The following NKAIN2 variants were observed in gnomAD, a reference collection of about 807,000 sequenced individuals.
NKAIN2 encodes the protein sodium/potassium transporting ATPase interacting 2.
A neutral mutation model predicts 32.6 loss-of-function variants in NKAIN2; 14 were observed. The ratio of observed to expected loss-of-function variants is 0.43; its 90% CI spans 0.28 to 0.67. The LOEUF (loss-of-function observed/expected upper bound fraction) is 0.67, where lower values mean the gene tolerates loss of function less well. Ranked by LOEUF, NKAIN2 falls within the 30% of genes least tolerant of loss-of-function variation. The pLI, the probability that NKAIN2 is intolerant of heterozygous loss-of-function variation, is 0.17. For missense variants in NKAIN2, 198 were observed against 258.3 expected, an observed-to-expected ratio of 0.77 and a Z score of 1.60; for synonymous variants, 80 against 87.2, an observed-to-expected ratio of 0.92 and a Z score of 0.46.
intron 3 of NKAIN2, among the ~76,000 whole-genome samples, chr6:124,436,459 CATA>C (rs1201800100): frequency 2.6e-5 from 4 of 152,136 alleles, no homozygotes; most frequent in African/African-American, 9.7e-5. Context: ...TGATCTAATT[CATA>C]ATATCAATAA....
intron 4 of NKAIN2, among the ~76,000 whole-genome samples, chr6:124,681,005 C>A (rs1429833770): frequency 1.3e-5 from 2 of 151,462 alleles, no homozygotes; most frequent in African/African-American, 4.8e-5. Flanking sequence ...TCTAGTTAAT[C>A]CCATTCTAAA....
chr6:124,193,627 C>A (rs1021363312), intron 1 of NKAIN2, among the ~76,000 whole-genome samples: 1 of 152,120 alleles, frequency 6.6e-6, no homozygotes, highest in Non-Finnish European at 1.5e-5. Flanking sequence ...TATTTCAGCC[C>A]TGTTTGTTTT....
At chr6:124,244,278 C>T (rs1433434646) in intron 1 of NKAIN2, among the ~76,000 whole-genome samples, 2 of 129,748 alleles carry the variant, frequency 1.5e-5, no homozygotes, top group East Asian at 4.7e-4. Context: ...GTGTGATGTT[C>T]CCCTTCCTGT....
Position 124,718,180 on chromosome 6 carries a change from T to A in NKAIN2, c.474+59794T>A, listed in dbSNP as rs556933946. On this transcript the variant is annotated intron_variant, in intron 4 of 6. Coordinates refer to ENST00000368417, the MANE Select transcript of NKAIN2 (RefSeq NM_001040214.3). ...TGCAACCATCACAACAATCTAAGTT[T>A]AGAACATTTTTATTACTCTAAAGAG... 2.6e-5 allele frequency among the ~76,000 whole-genome samples: 4 copies of A among 152,272 alleles called. No homozygotes were observed. The South Asian group carries it at 8.3e-4, about 32-fold the overall frequency.
intron 1 of NKAIN2, among the ~76,000 whole-genome samples, chr6:124,140,950 A>C (rs2114331175): frequency 6.6e-6 from 1 of 152,326 alleles, no homozygotes; most frequent in South Asian, 2.1e-4. Flanking sequence ...TATAGAGATA[A>C]AACTATGGAG....
intron 4 of NKAIN2, among the ~76,000 whole-genome samples, chr6:124,757,277 G>C (rs1778009778): frequency 6.6e-6 from 1 of 151,820 alleles, no homozygotes; most frequent in African/African-American, 2.4e-5. Flanking sequence ...TCCTTTTGTT[G>C]AACAGATATA....
chr6:124,760,402 C>A lies in NKAIN2; in HGVS notation c.475-30937C>A, dbSNP rs1388336775. ...CTGTATAGCAAACCTGCACACGTAC[C>A]CCTGAACATAAAAGTTAAAAAAAAA... On this transcript the variant is annotated intron_variant, in intron 4 of 6. Coordinates refer to ENST00000368417, the MANE Select transcript of NKAIN2 (RefSeq NM_001040214.3). Among the ~76,000 whole-genome samples the A allele has an allele frequency of 2.4e-5, 3 of 125,060 alleles. No homozygotes were observed. In the East Asian group the frequency reaches 8.0e-4, roughly 33 times the overall value. 82.0% of individuals were successfully genotyped at this position (125,060 alleles called of 152,430 possible).
chr6:124,719,486 A>G (rs1775915875), intron 4 of NKAIN2, among the ~76,000 whole-genome samples: 1 of 152,208 alleles, frequency 6.6e-6, no homozygotes, highest in African/African-American at 2.4e-5. Context: ...CTCTACCTTT[A>G]GAAACATTCT....
chr6:124,006,642 A>C (rs900400004), intron 1 of NKAIN2, among the ~76,000 whole-genome samples: 1 of 152,104 alleles, frequency 6.6e-6, no homozygotes, highest in Non-Finnish European at 1.5e-5. Context: ...TAGTGCCTGC[A>C]CTTCTAGTGC....
At chr6:123,887,552 T>A (rs1303241071) in intron 1 of NKAIN2, among the ~76,000 whole-genome samples, 1 of 152,170 alleles carries the variant, frequency 6.6e-6, no homozygotes, top group African/African-American at 2.4e-5. Flanking sequence ...CAATTCTTGG[T>A]ACCTTCAGTT....
chr6:124,073,817 C>T (rs773590765), intron 1 of NKAIN2, among the ~76,000 whole-genome samples: 2 of 152,046 alleles, frequency 1.3e-5, no homozygotes, highest in Admixed American at 6.6e-5. Flanking sequence ...CCACCCCCAC[C>T]GGGCAGGGGA....
intron 2 of NKAIN2, among the ~76,000 whole-genome samples, chr6:124,342,610 A>T (rs1798180713): frequency 6.6e-6 from 1 of 151,644 alleles, no homozygotes; most frequent in African/African-American, 2.4e-5. Flanking sequence ...AGGGTTCAAG[A>T]GATCTTCCCA....
intron 3 of NKAIN2, among the ~76,000 whole-genome samples, chr6:124,581,447 A>C (rs1781520922): frequency 6.8e-5 from 2 of 29,296 alleles, no homozygotes; most frequent in Non-Finnish European, 9.6e-5. Context: ...CTCCGTCTCA[A>C]AAAAAAAAAA....
chr6:124,365,822 A>G (rs914070728), intron 3 of NKAIN2, among the ~76,000 whole-genome samples: 2 of 152,110 alleles, frequency 1.3e-5, no homozygotes, highest in African/African-American at 2.4e-5. Context: ...TTGTCTGACA[A>G]CTATAGAATT....
intron 1 of NKAIN2, among the ~76,000 whole-genome samples, chr6:124,168,342 A>C (rs1004065450): frequency 9.2e-5 from 14 of 152,242 alleles, no homozygotes; most frequent in African/African-American, 3.1e-4. Flanking sequence ...TGTTTCTGGG[A>C]ATTTTAGCTA....
intron 4 of NKAIN2, among the ~76,000 whole-genome samples, chr6:124,762,926 T>A (rs1351215956): frequency 6.6e-6 from 1 of 152,224 alleles, no homozygotes; most frequent in Non-Finnish European, 1.5e-5. Flanking sequence ...TGGATTTTAT[T>A]CTGTCAGTGA....
chr6:124,616,144 C>G (rs551437878), intron 3 of NKAIN2, among the ~76,000 whole-genome samples: 109 of 152,164 alleles, frequency 7.2e-4, no homozygotes, highest in African/African-American at 2.6e-3. Flanking sequence ...AAACTCTATC[C>G]TCTTCTTCTG....
chr6:124,393,501 T>C (rs1472148873), intron 3 of NKAIN2, among the ~76,000 whole-genome samples: 1 of 152,168 alleles, frequency 6.6e-6, no homozygotes, highest in African/African-American at 2.4e-5. Flanking sequence ...GCTTCTTCTC[T>C]CTAAAGTTAA....
intron 4 of NKAIN2, among the ~76,000 whole-genome samples, chr6:124,682,023 G>A (rs1246169383): frequency 1.3e-5 from 2 of 151,782 alleles, no homozygotes; most frequent in African/African-American, 4.8e-5. Flanking sequence ...AAATACTGGG[G>A]ATAAAAATGT....
Sources: allele counts gnomAD v4.1 joint callset (sites outside exome capture counted in the v4.1 genomes callset), GRCh38; gene constraint gnomAD v4.1.1; transcripts MANE v1.5; gene names NCBI Gene and HGNC (gene_info 2026-07-23, HGNC 2026-07-21).